The following KNL1 variants were observed in gnomAD, a reference collection of about 807,000 sequenced individuals.
KNL1 encodes kinetochore scaffold 1.
KNL1 carries 66 observed loss-of-function variants against 201.3 expected under a neutral mutation model. The observed-to-expected ratio is 0.33, with a 90% CI of 0.27 to 0.40. The LOEUF is 0.40. Ranked by LOEUF, KNL1 falls within the 10% of genes least tolerant of loss-of-function variation. The pLI, the probability that KNL1 is intolerant of heterozygous loss-of-function variation, is 1.00. For missense variants in KNL1, 2,815 were observed against 2,690.5 expected (o/e 1.05, Z -1.02); for synonymous variants, 895 against 899.2 (o/e 1.00, Z 0.08).
chr15:40,658,294 C>G (rs1431875261), intron 24 of KNL1, among the ~76,000 whole-genome samples: 1 of 151,668 alleles, frequency 6.6e-6, no homozygotes, highest in Non-Finnish European at 1.5e-5. Context: ...CTTTGGGAGG[C>G]TGAGGCAGGT....
chr15:40,612,961 C>T (rs929842598), intron 7 of KNL1, among the ~76,000 whole-genome samples: 13 of 152,230 alleles, frequency 8.5e-5, no homozygotes, highest in South Asian at 2.1e-4. Context: ...AGTTTTATGT[C>T]TGGAAATTAT....
chr15:40,598,201 AAAG>A lies in KNL1; in HGVS notation c.-18+3812_-18+3814del, dbSNP rs1359878217. 1.2e-4 allele frequency among the ~76,000 whole-genome samples: 19 copies of A among 152,204 alleles called. No individual in the cohort carries two copies. The South Asian group carries it at 3.9e-3, about 32-fold the overall frequency. ...AAAAAAAAAAAAGAAAAAGAAAAAA[AAAG>A]AAAATATTTCCAAAGGAGAAAAAAT... is the stretch of plus-strand genomic sequence containing the variant. On this transcript the variant is annotated intron_variant, in intron 1 of 25. Coordinates refer to ENST00000399668, the MANE Select transcript of KNL1 (RefSeq NM_144508.5).
chr15:40,636,035 G>A (rs1033182547), intron 13 of KNL1, among the ~76,000 whole-genome samples: 3 of 151,646 alleles, frequency 2.0e-5, no homozygotes, highest in Non-Finnish European at 4.4e-5. Flanking sequence ...ATGGGATTTC[G>A]CCATGTTGAC....
chr15:40,607,406 G>A (rs916569668), intron 4 of KNL1, among the ~76,000 whole-genome samples: 4 of 152,270 alleles, frequency 2.6e-5, no homozygotes, highest in East Asian at 3.9e-4. Flanking sequence ...AAGGCTACCT[G>A]TAGCATCTTC....
chr15:40,623,852 C>T lies in KNL1; in HGVS notation c.3588C>T (p.Asn1196=). The part of the protein sequence containing the change: ...NPKFGIGKGK[N]LGVSFPKDNS... ...AATTTGGAATAGGAAAAGGAAAAAA[C>T]TTGGGTGTTTCCTTTCCTAAGGATA... Residue 1196 remains asparagine (N), a synonymous_variant, in exon 10 of 26, where the codon AAC becomes AAT. Coordinates refer to ENST00000399668, the MANE Select transcript of KNL1 (RefSeq NM_144508.5). The T allele has an allele frequency of 1.9e-6, 3 of 1,613,584 alleles. No individual in the cohort carries two copies. Among genetic ancestry groups the T allele is most frequent in the Non-Finnish European group, 2.5e-6 (3 of 1,179,858 alleles).
In KNL1 at chr15:40,662,438, GA is replaced by G; in HGVS notation, c.*255del. The G allele has an allele frequency of 2.8e-6, 1 of 352,418 alleles. No homozygotes were observed. Among genetic ancestry groups the G allele is most frequent in the Non-Finnish European group, 5.2e-6 (1 of 193,880 alleles). The allele number at this position is 352,418 out of a possible 1,614,324, so 21.8% of individuals were successfully genotyped here. A position where few individuals can be genotyped will look rare whatever the true frequency, so the allele number is the denominator to read the frequency against. On this transcript the variant is annotated 3_prime_UTR_variant, in exon 26 of 26. Coordinates refer to ENST00000399668, the MANE Select transcript of KNL1 (RefSeq NM_144508.5). Reference sequence around the variant, plus strand: ...AAGGTTTAAGTAATAGGACACTTAGGAAAAATGTCTCCTAACTAAACTAGTG... The same window carrying G: ...AAGGTTTAAGTAATAGGACACTTAGGAAAATGTCTCCTAACTAAACTAGTG...
chr15:40,609,040 AT>A, intron 5 of KNL1, 132 bp downstream of exon 5: 1 of 603,828 alleles, frequency 1.7e-6, no homozygotes, highest in Non-Finnish European at 2.9e-6. Flanking sequence ...GTTATTCAGT[AT>A]TATGTTTAAA....
chr15:40,597,221 C>A (rs1384888183), intron 1 of KNL1, among the ~76,000 whole-genome samples: 2 of 151,924 alleles, frequency 1.3e-5, no homozygotes, highest in Admixed American at 1.3e-4. Flanking sequence ...CCTTGGGTGC[C>A]AGGTACACAG....
Position 40,621,453 on chromosome 15 carries a change from A to G in KNL1, c.1189A>G (p.Ile397Val). The change falls in exon 10 of 26, where the codon ATA becomes GTA. Residue 397 changes from isoleucine (I) to valine (V), a missense_variant. Transcript: ENST00000399668. ...RSHIMGAETHIVSQTCNQDAR... is the reference protein window; with the variant it reads ...RSHIMGAETHVVSQTCNQDAR... ...TCATATTATGGGGGCAGAAACTCAC[A>G]TAGTCTCACAGACTTGTAATCAGGA... 8.1e-6 allele frequency: 13 copies of G among 1,613,904 alleles called. No homozygotes were observed. The highest frequency in any genetic ancestry group is 1.1e-5 in the Non-Finnish European group (13 of 1,179,874).
At chr15:40,615,557 G>A (rs1408796009) in intron 8 of KNL1, 179 bp downstream of exon 8, 17 of 236,164 alleles carry the variant, frequency 7.2e-5, no homozygotes, top group Admixed American at 6.2e-4. Context: ...TCACGAGGTC[G>A]GGAGATCGAG....
intron 1 of KNL1, among the ~76,000 whole-genome samples, chr15:40,596,428 C>G (rs1260862077): frequency 1.3e-5 from 2 of 152,072 alleles, no homozygotes; most frequent in African/African-American, 2.4e-5. Flanking sequence ...AGGCACCCGC[C>G]ACCATGCGCA....
intron 13 of KNL1, among the ~76,000 whole-genome samples, chr15:40,634,798 G>A (rs1893008677): frequency 6.6e-6 from 1 of 152,152 alleles, no homozygotes; most frequent in African/African-American, 2.4e-5. Flanking sequence ...GGGTGAAGGA[G>A]GGAGAGGATG....
chr15:40,645,559 C>T, intron 15 of KNL1, 97 bp from the exon 16 acceptor site: 1 of 546,946 alleles, frequency 1.8e-6, no homozygotes, highest in East Asian at 3.0e-5. Flanking sequence ...TGACAAATAT[C>T]CTGCCTTAGG....
intron 19 of KNL1, among the ~76,000 whole-genome samples, chr15:40,650,794 G>C (rs1893533240): frequency 6.6e-6 from 1 of 152,118 alleles, no homozygotes; most frequent in African/African-American, 2.4e-5. Flanking sequence ...ATCCACAACA[G>C]TGTTTCTCAA....
chr15:40,643,712 T>G (rs1179987078), intron 14 of KNL1, among the ~76,000 whole-genome samples: 1 of 152,188 alleles, frequency 6.6e-6, no homozygotes. Flanking sequence ...GACCTTAGGA[T>G]TCTTTATAAG....
In KNL1 at chr15:40,606,458, T is replaced by G. The variant is rs1595915621; in HGVS notation, c.135+6T>G. The stretch of plus-strand genomic sequence containing the variant: ...GTGGGAATGAAAGAGTTCAGGTAAG[T>G]CTTTTGTGCAAATACTTTATAGATG... On this transcript the variant is annotated splice_donor_region_variant and intron_variant, in intron 4 of 25. Transcript: ENST00000399668. 1 of 1,492,216 alleles carries G rather than the reference T, an allele frequency of 6.7e-7. No individual in the cohort carries two copies. The highest frequency in any genetic ancestry group is 1.7e-5 in the Admixed American group (1 of 59,660). The allele number at this position is 1,492,216 out of a possible 1,614,324, so 92.4% of individuals were successfully genotyped here.
chr15:40,629,792 C>T (rs1158034628), intron 13 of KNL1, among the ~76,000 whole-genome samples: 3 of 151,814 alleles, frequency 2.0e-5, no homozygotes, highest in Non-Finnish European at 2.9e-5. Flanking sequence ...TGAGCCACTG[C>T]GCCCGGCCGA....
At chr15:40,619,470 T>C (rs1405738814) in intron 9 of KNL1, among the ~76,000 whole-genome samples, 1 of 151,928 alleles carries the variant, frequency 6.6e-6, no homozygotes, top group East Asian at 1.9e-4. Flanking sequence ...GGCACAATCT[T>C]GGCTCATTGC....
chr15:40,651,367 G>T, intron 19 of KNL1, 104 bp from the exon 20 acceptor site: 1 of 538,752 alleles, frequency 1.9e-6, no homozygotes, highest in African/African-American at 2.0e-5. Context: ...TACCTCAATG[G>T]GGAGTCATGT....
Sources: gnomAD v4.1 joint callset for allele counts (sites outside exome capture counted in the v4.1 genomes callset) on GRCh38, gnomAD v4.1.1 for gene constraint, MANE v1.5 for transcripts, NCBI Gene and HGNC (gene_info 2026-07-23, HGNC 2026-07-21) for gene names.